CTNND2: variants seen among roughly 807,000 people sequenced by gnomAD.
The protein encoded by CTNND2 is catenin delta 2.
A neutral mutation model predicts 144.4 loss-of-function variants in CTNND2; 22 were observed. The observed-to-expected ratio is 0.15, with a 90% CI of 0.11 to 0.22. The LOEUF is 0.22. Among genes scored for constraint, CTNND2 ranks in the 10% least tolerant of loss-of-function variants. The pLI, the probability that CTNND2 is intolerant of heterozygous loss-of-function variation, is 1.00. For missense variants in CTNND2, 1,353 were observed against 1,618.8 expected, an observed-to-expected ratio of 0.84 and a Z score of 2.82; for synonymous variants, 751 against 695.6, an observed-to-expected ratio of 1.08 and a Z score of -1.25.
intron 3 of CTNND2, among the ~76,000 whole-genome samples, chr5:11,517,754 C>T (rs1166484763): frequency 1.3e-5 from 2 of 151,670 alleles, no homozygotes; most frequent in African/African-American, 4.8e-5. Context: ...CAAACCTGCA[C>T]ATTCTGCCTG....
Position 11,499,541 on chromosome 5 carries a change from G to A in CTNND2, c.287+65403C>T, listed in dbSNP as rs145552999. Reference sequence around the variant, plus strand: ...GGCCACCTTGTTTCAACTATCCTTCGTTTTTGGCTGAAGTATTTTTAAAAA... The same window carrying A: ...GGCCACCTTGTTTCAACTATCCTTCATTTTTGGCTGAAGTATTTTTAAAAA... On this transcript the variant is annotated intron_variant, in intron 3 of 21. Transcript: ENST00000304623. Among the ~76,000 whole-genome samples, 659 of 152,158 alleles carry A rather than the reference G, an allele frequency of 4.3e-3. 4 individuals carry two copies. The highest frequency in any genetic ancestry group is 0.014 in the African/African-American group (575 of 41,516).
intron 1 of CTNND2, among the ~76,000 whole-genome samples, chr5:11,748,666 G>A (rs1455093520): frequency 1.3e-5 from 2 of 151,874 alleles, no homozygotes; most frequent in Admixed American, 1.3e-4. Context: ...CTCAGATATT[G>A]TTCCCTTTTT....
At chr5:11,329,700 G>C (rs1306373661) in intron 9 of CTNND2, among the ~76,000 whole-genome samples, 1 of 152,190 alleles carries the variant, frequency 6.6e-6, no homozygotes, top group African/African-American at 2.4e-5. Flanking sequence ...GGTGGTCAGA[G>C]GGAAGCGTCA....
At chr5:11,213,656 T>G (rs1738870971) in intron 10 of CTNND2, among the ~76,000 whole-genome samples, 1 of 152,224 alleles carries the variant, frequency 6.6e-6, no homozygotes, top group Non-Finnish European at 1.5e-5. Flanking sequence ...TCAAGTGCAA[T>G]GCAGTGCATC....
intron 11 of CTNND2, among the ~76,000 whole-genome samples, chr5:11,172,897 G>A (rs950599485): frequency 6.6e-6 from 1 of 152,204 alleles, no homozygotes. Flanking sequence ...TAGGTTTCCA[G>A]CAAGGACTAT....
chr5:11,333,946 C>T (rs1580937099), intron 9 of CTNND2, among the ~76,000 whole-genome samples: 1 of 152,116 alleles, frequency 6.6e-6, no homozygotes, highest in Non-Finnish European at 1.5e-5. Context: ...CCCAGGAGAC[C>T]GGGGTCATTG....
chr5:11,373,105 A>C (rs564882043), intron 7 of CTNND2, among the ~76,000 whole-genome samples: 2 of 152,232 alleles, frequency 1.3e-5, no homozygotes, highest in Non-Finnish European at 2.9e-5. Context: ...AACTGTGACC[A>C]TTCTATCAGC....
chr5:11,800,400 A>T (rs1194791569), intron 1 of CTNND2, among the ~76,000 whole-genome samples: 1 of 152,160 alleles, frequency 6.6e-6, no homozygotes, highest in Non-Finnish European at 1.5e-5. Flanking sequence ...TTCAATATAG[A>T]TAGGATCTAC....
intron 16 of CTNND2, among the ~76,000 whole-genome samples, chr5:11,036,255 G>C (rs1744052564): frequency 6.6e-6 from 1 of 152,024 alleles, no homozygotes; most frequent in Non-Finnish European, 1.5e-5. Flanking sequence ...AAATGCTAGA[G>C]TTCCTAATAA....
At chr5:11,320,666 G>T (rs951330853) in intron 9 of CTNND2, among the ~76,000 whole-genome samples, 74 of 152,286 alleles carry the variant, frequency 4.9e-4, no homozygotes, top group African/African-American at 1.7e-3. Flanking sequence ...CTTGTGCGTA[G>T]AAACTCCCAT....
At chr5:11,011,626 T>C (rs892140677) in intron 18 of CTNND2, among the ~76,000 whole-genome samples, 1 of 152,156 alleles carries the variant, frequency 6.6e-6, no homozygotes, top group East Asian at 1.9e-4. Flanking sequence ...AAGCTGAACA[T>C]TGGAAAAATC....
At chr5:11,365,627 T>C (rs965408924) in intron 7 of CTNND2, among the ~76,000 whole-genome samples, 1 of 152,146 alleles carries the variant, frequency 6.6e-6, no homozygotes. Flanking sequence ...TTGCATGATA[T>C]GGGAAGAGGT....
At chr5:11,883,148 T>C (rs1349350897) in intron 1 of CTNND2, among the ~76,000 whole-genome samples, 3 of 152,190 alleles carry the variant, frequency 2.0e-5, no homozygotes, top group South Asian at 2.1e-4. Context: ...GATTTTTTTA[T>C]TGGTCATTTT....
At chr5:11,848,671 A>G (rs1279061238) in intron 1 of CTNND2, among the ~76,000 whole-genome samples, 2 of 152,176 alleles carry the variant, frequency 1.3e-5, no homozygotes. Flanking sequence ...CTGTTAGTTC[A>G]GGCTATGTCT....
chr5:11,242,037 T>C (rs1338059138), intron 9 of CTNND2, among the ~76,000 whole-genome samples: 1 of 151,400 alleles, frequency 6.6e-6, no homozygotes, highest in Non-Finnish European at 1.5e-5. Context: ...ACAGGGGGAG[T>C]TGGAGCAGGG....
chr5:11,744,116 C>T (rs1465402033), intron 1 of CTNND2, among the ~76,000 whole-genome samples: 2 of 152,204 alleles, frequency 1.3e-5, no homozygotes, highest in African/African-American at 4.8e-5. Flanking sequence ...CTTCCTTTGG[C>T]TACGTTCCGA....
chr5:11,400,077 A>C (rs895256312), intron 5 of CTNND2, among the ~76,000 whole-genome samples: 3 of 152,250 alleles, frequency 2.0e-5, no homozygotes, highest in Non-Finnish European at 4.4e-5. Context: ...AAATTTGCCA[A>C]GGATTTAAAA....
intron 1 of CTNND2, among the ~76,000 whole-genome samples, chr5:11,881,654 T>C (rs1736124811): frequency 6.6e-6 from 1 of 152,066 alleles, no homozygotes; most frequent in Admixed American, 6.5e-5. Flanking sequence ...AATAGACATT[T>C]AGGCTGATAT....
chr5:11,284,439 G>A (rs1747513366), intron 9 of CTNND2, among the ~76,000 whole-genome samples: 1 of 152,076 alleles, frequency 6.6e-6, no homozygotes, highest in South Asian at 2.1e-4. Context: ...ACAGGACCCA[G>A]TGTGTGTTGT....
Sources: allele counts gnomAD v4.1 joint callset (sites outside exome capture counted in the v4.1 genomes callset), GRCh38; gene constraint gnomAD v4.1.1; transcripts MANE v1.5; gene names NCBI Gene and HGNC (gene_info 2026-07-23, HGNC 2026-07-21).